ZNF516: variants seen among roughly 807,000 people sequenced by gnomAD.
ZNF516 encodes the protein zinc finger protein 516.
Under a neutral mutation model 79.7 loss-of-function variants are expected in ZNF516, and 19 were observed. That is an observed-to-expected ratio of 0.24 (90% confidence interval 0.17 to 0.35). The LOEUF (loss-of-function observed/expected upper bound fraction) is 0.35, where lower values mean the gene tolerates loss of function less well. ZNF516 is among the 10% of genes least tolerant of loss of function. ZNF516 has a pLI of 1.00. For synonymous variants in ZNF516, 877 were observed against 739.5 expected (o/e 1.19, Z -3.02); for missense variants, 1,678 against 1,679.5 (o/e 1.00, Z 0.02).
intron 1 of ZNF516, among the ~76,000 whole-genome samples, chr18:76,480,454 G>A (rs1462099841): frequency 6.6e-6 from 1 of 150,944 alleles, no homozygotes; most frequent in East Asian, 1.9e-4. Flanking sequence ...AGTGAGCTAA[G>A]GCTGGTTTTT....
At chr18:76,496,290 T>C (rs1404494980), upstream of ZNF516, 7 of 1,289,068 alleles carry the variant, frequency 5.4e-6, no homozygotes, top group Non-Finnish European at 7.1e-6. Context: ...CTCCTGGCCG[T>C]ATTGTTCTCC....
At chr18:76,492,261 T>C (rs1430671048) in intron 1 of ZNF516, 11 of 985,446 alleles carry the variant, frequency 1.1e-5, no homozygotes, top group Non-Finnish European at 1.3e-5. Context: ...GTCGGGTCCG[T>C]ACGCTTCCCG....
chr18:76,454,348 G>A (rs552710842), intron 2 of ZNF516, among the ~76,000 whole-genome samples: 116 of 152,336 alleles, frequency 7.6e-4, no homozygotes, highest in Non-Finnish European at 1.5e-3. Flanking sequence ...GCTGAAAGGC[G>A]TATTGTGCAA....
chr18:76,487,853 G>A lies in ZNF516; in HGVS notation c.-272+7291C>T, dbSNP rs1385008461. On this transcript the variant is annotated intron_variant, in intron 1 of 6. Transcript: ENST00000443185. Reference sequence around the variant, plus strand: ...CTCTATGGCCCCTAGATACATTCCCGTAATAGGCTGCTGCCACTACACTTT... The same window carrying A: ...CTCTATGGCCCCTAGATACATTCCCATAATAGGCTGCTGCCACTACACTTT... The A allele has an allele frequency of 1.8e-5, 15 of 838,974 alleles. No homozygotes were observed. The South Asian group carries it at 2.7e-4, about 15-fold the overall frequency. 52.0% of individuals were successfully genotyped at this position (838,974 alleles called of 1,614,324 possible).
intron 3 of ZNF516, among the ~76,000 whole-genome samples, chr18:76,425,049 G>A (rs2075575307): frequency 6.6e-6 from 1 of 151,666 alleles, no homozygotes; most frequent in African/African-American, 2.4e-5. Context: ...CACACACGCA[G>A]GTGAAAAGGT....
chr18:76,371,102 G>T (rs1015167002), intron 5 of ZNF516, among the ~76,000 whole-genome samples: 6 of 152,264 alleles, frequency 3.9e-5, no homozygotes, highest in Non-Finnish European at 7.3e-5. Flanking sequence ...GTCAGTGCCA[G>T]TGAGGACACA....
At chr18:76,384,602 C>T (rs1190044076) in intron 3 of ZNF516, among the ~76,000 whole-genome samples, 1 of 147,648 alleles carries the variant, frequency 6.8e-6, no homozygotes, top group Non-Finnish European at 1.5e-5. Context: ...CAGCTCCCAT[C>T]CCCCACCCCC....
chr18:76,394,949 G>A (rs553367812), intron 3 of ZNF516, among the ~76,000 whole-genome samples: 51 of 152,234 alleles, frequency 3.4e-4, no homozygotes, highest in Non-Finnish European at 5.1e-4. Context: ...ACTGAACCAC[G>A]GTTGACTGGA....
chr18:76,465,650 C>T (rs2145698018), intron 1 of ZNF516, among the ~76,000 whole-genome samples: 1 of 152,352 alleles, frequency 6.6e-6, no homozygotes, highest in East Asian at 1.9e-4. Context: ...AGAAGGGCCT[C>T]TCCCTGCGGG....
At chr18:76,450,647 G>A (rs1439210943) in intron 2 of ZNF516, among the ~76,000 whole-genome samples, 2 of 152,150 alleles carry the variant, frequency 1.3e-5, no homozygotes, top group African/African-American at 4.8e-5. Context: ...CTGGCATTCT[G>A]AGTGTATTCT....
intron 5 of ZNF516, among the ~76,000 whole-genome samples, chr18:76,371,076 T>C (rs1329680707): frequency 6.6e-6 from 1 of 152,200 alleles, no homozygotes. Flanking sequence ...GGCCCGGGTG[T>C]ATCCCACAGA....
intron 3 of ZNF516, among the ~76,000 whole-genome samples, chr18:76,436,240 GACATCCCACA>G (rs1313177591): frequency 6.6e-6 from 1 of 152,176 alleles, no homozygotes; most frequent in Non-Finnish European, 1.5e-5. Flanking sequence ...TCAGAATGAG[GACATCCCACA>G]GCTCCAGGCC....
Position 76,360,011 on chromosome 18 carries a change from C to T in ZNF516, c.*2487G>A, listed in dbSNP as rs2074507277. ...AGGGATGGCGTTCTTGGGGGGGCTC[C>T]CCAGTCTGTTTAACTGGGTGAAAAC... is the stretch of plus-strand genomic sequence containing the variant. On this transcript the variant is annotated 3_prime_UTR_variant, in exon 7 of 7. Coordinates refer to ENST00000443185, the MANE Select transcript of ZNF516 (RefSeq NM_014643.4). The T allele has an allele frequency of 6.6e-6, 1 of 152,236 alleles. No individual in the cohort carries two copies. The highest frequency in any genetic ancestry group is 6.5e-5 in the Admixed American group (1 of 15,274). The allele number at this position is 152,236 out of a possible 1,614,324, so 9.4% of individuals were successfully genotyped here. A position where few individuals can be genotyped will look rare whatever the true frequency, so the allele number is the denominator to read the frequency against.
chr18:76,458,083 C>T (rs943791096), intron 2 of ZNF516, among the ~76,000 whole-genome samples: 33 of 152,194 alleles, frequency 2.2e-4, no homozygotes, highest in African/African-American at 6.5e-4. Flanking sequence ...CCATTTTTCT[C>T]CTGACACTTC....
chr18:76,492,942 T>C (rs1238646582), intron 1 of ZNF516: 19 of 985,468 alleles, frequency 1.9e-5, no homozygotes, highest in East Asian at 1.1e-4. Context: ...CTGGCCAGAC[T>C]TCACAGTGTG....
rs117566743 is a variant in ZNF516 at position 76,380,286 on chromosome 18, A to G, written c.1828T>C (p.Cys610Arg). The change falls in exon 4 of 7, where the codon TGC becomes CGC. Residue 610 changes from cysteine (C) to arginine (R), a missense_variant. Physicochemically the swap from Cys to Arg is radical, Grantham distance 180 (BLOSUM62 -3). This residue lies in a region of ZNF516 where 1,294 missense variants were observed against 1,248.3 expected (regional missense o/e 1.04). Transcript: ENST00000443185. Reference protein sequence around the residue: ...EPAPGGQPRRCCFSEEVTSTE... With the variant: ...EPAPGGQPRRRCFSEEVTSTE... The stretch of plus-strand genomic sequence containing the variant: ...GAAGTCACCTCTTCGGAAAAGCAGC[A>G]GCGGCGCGGCTGTCCCCCTAGAGGA... The G allele has an allele frequency of 0.021, 33,104 of 1,613,504 alleles. 391 individuals are homozygous for G. The highest frequency in any genetic ancestry group is 0.023 in the Non-Finnish European group (27,688 of 1,179,654).
chr18:76,363,764 A>C (rs2074574888), intron 6 of ZNF516, among the ~76,000 whole-genome samples: 1 of 152,254 alleles, frequency 6.6e-6, no homozygotes, highest in Admixed American at 6.5e-5. Context: ...GGGCTCACTA[A>C]GAACCAATTC....
chr18:76,478,219 T>A (rs1342511210), intron 1 of ZNF516, among the ~76,000 whole-genome samples: 2 of 152,034 alleles, frequency 1.3e-5, no homozygotes, highest in African/African-American at 4.8e-5. Flanking sequence ...AGAGGAGAGG[T>A]ATGTAAAACC....
At chr18:76,407,048 G>A (rs901810870) in intron 3 of ZNF516, among the ~76,000 whole-genome samples, 2 of 152,198 alleles carry the variant, frequency 1.3e-5, no homozygotes, top group African/African-American at 4.8e-5. Flanking sequence ...TGCACAGGCT[G>A]GGTGGACAGG....
Sources: allele counts gnomAD v4.1 joint callset (sites outside exome capture counted in the v4.1 genomes callset), GRCh38; gene constraint gnomAD v4.1.1; regional missense constraint gnomAD v4.1.1; transcripts MANE v1.5; gene names NCBI Gene and HGNC (gene_info 2026-07-23, HGNC 2026-07-21).